Variants in JPH3 observed in about 807,000 individuals in gnomAD.
JPH3 encodes the protein junctophilin-3.
Under a neutral mutation model 59.6 loss-of-function variants are expected in JPH3, and 11 were observed. That is an observed-to-expected ratio of 0.18 (90% confidence interval 0.12 to 0.31). The LOEUF (loss-of-function observed/expected upper bound fraction) is 0.31. JPH3 is among the 10% of genes least tolerant of loss of function. The pLI, the probability that JPH3 is intolerant of heterozygous loss-of-function variation, is 1.00. For missense variants in JPH3, 1,202 were observed against 1,105.7 expected (o/e 1.09, Z -1.24); for synonymous variants, 673 against 483.6 (o/e 1.39, Z -5.14).
intron 4 of JPH3, chr16:87,694,966 C>T: frequency 3.5e-6 from 1 of 286,106 alleles, no homozygotes; most frequent in Non-Finnish European, 6.8e-6. Context: ...GGACAGCTGG[C>T]TCTGCTTCCA....
chr16:87,665,777 C>T (rs1567606430), intron 2 of JPH3, among the ~76,000 whole-genome samples: 2 of 152,238 alleles, frequency 1.3e-5, no homozygotes, highest in African/African-American at 4.8e-5. Context: ...CCTTCCCCAG[C>T]CCATCCCTCT....
At chr16:87,614,018 C>T (rs2030839461) in intron 1 of JPH3, among the ~76,000 whole-genome samples, 1 of 152,160 alleles carries the variant, frequency 6.6e-6, no homozygotes, top group Admixed American at 6.5e-5. Context: ...ACTTGCTTTA[C>T]AGATGAGGAA....
chr16:87,653,050 C>G (rs112363664), intron 2 of JPH3, among the ~76,000 whole-genome samples: 2 of 152,078 alleles, frequency 1.3e-5, no homozygotes, highest in African/African-American at 4.8e-5. Context: ...TGCGTGGTCT[C>G]CAAGCCAGTC....
At chr16:87,639,537 A>G (rs1037865323) in intron 1 of JPH3, among the ~76,000 whole-genome samples, 1 of 151,930 alleles carries the variant, frequency 6.6e-6, no homozygotes, top group Non-Finnish European at 1.5e-5. Flanking sequence ...GAACTTTTCC[A>G]TCTCCAGAAC....
At chr16:87,607,723 C>G (rs923211560) in intron 1 of JPH3, among the ~76,000 whole-genome samples, 41 of 152,350 alleles carry the variant, frequency 2.7e-4, no homozygotes, top group African/African-American at 9.6e-4. Context: ...TTGTGCTTGG[C>G]TATGACTATG....
At chr16:87,621,232 G>T (rs2031174434) in intron 1 of JPH3, among the ~76,000 whole-genome samples, 1 of 152,236 alleles carries the variant, frequency 6.6e-6, no homozygotes, top group Admixed American at 6.5e-5. Flanking sequence ...CTGGCAGCTG[G>T]ACCCGACTTG....
rs1488817787 is a variant in JPH3, at chr16:87,602,637, G to T, written c.-510G>T. On this transcript the variant is annotated 5_prime_UTR_variant, in exon 1 of 5. Transcript: ENST00000284262. ...GGCCCGCGGCCCCCAATATGGTGCA[G>T]CCGCCAGCGCCGCCGCCCGTGCCGC... 1.5e-5 allele frequency among the ~76,000 whole-genome samples: 2 copies of T among 133,710 alleles called. No individual in the cohort carries two copies. Among genetic ancestry groups the T allele is most frequent in the South Asian group, 2.4e-4 (1 of 4,198 alleles). 87.7% of individuals were successfully genotyped at this position (133,710 alleles called of 152,430 possible). A position where few individuals can be genotyped will look rare whatever the true frequency, so the allele number is the denominator to read the frequency against.
chr16:87,664,974 A>T (rs1290915091), intron 2 of JPH3, among the ~76,000 whole-genome samples: 1 of 152,140 alleles, frequency 6.6e-6, no homozygotes, highest in Non-Finnish European at 1.5e-5. Flanking sequence ...ACACAAAACC[A>T]TGTGCATCTT....
At chr16:87,667,043 G>A (rs947287925) in intron 2 of JPH3, among the ~76,000 whole-genome samples, 4 of 152,242 alleles carry the variant, frequency 2.6e-5, no homozygotes, top group African/African-American at 4.8e-5. Flanking sequence ...AGCTCGAGAC[G>A]AGGGTGTGGC....
rs1327461584 is a variant in JPH3 at position 87,648,121 on chromosome 16, TG to T, written c.1160+3087del. 2.0e-5 allele frequency among the ~76,000 whole-genome samples: 3 copies of T among 152,216 alleles called. No homozygotes were observed. In the East Asian group the frequency reaches 5.8e-4, roughly 29 times the overall value. On this transcript the variant is annotated intron_variant, in intron 2 of 4. Coordinates refer to ENST00000284262, the MANE Select transcript of JPH3 (RefSeq NM_020655.4). ...GCAGGTGTGTTTGTGAGCTCACTGG[TG>T]CGACCCTTGGAGGTGGGAGGCTACA...
chr16:87,687,552 G>A (rs2033447667), intron 3 of JPH3, among the ~76,000 whole-genome samples: 1 of 152,324 alleles, frequency 6.6e-6, no homozygotes, highest in African/African-American at 2.4e-5. Flanking sequence ...GGCCACTTCC[G>A]GTGCCATCCG....
rs893488074 is a variant in JPH3 at position 87,690,280 on chromosome 16, G to A, written c.1920G>A (p.Gly640=). The A allele has an allele frequency of 1.6e-5, 25 of 1,600,762 alleles. No individual in the cohort carries two copies. In the Admixed American group the frequency reaches 2.9e-4, roughly 19 times the overall value. ...YSKGGACRGL[G]DDHRPEDRGF... ...AGGGCGGCGCCTGCCGGGGCTTGGG[G>A]GACGACCACCGCCCCGAGGACCGGG... Residue 640 remains glycine (G), a synonymous_variant, in exon 4 of 5, where the codon GGG becomes GGA. Coordinates refer to ENST00000284262, the MANE Select transcript of JPH3 (RefSeq NM_020655.4).
chr16:87,653,096 C>A (rs1389228067), intron 2 of JPH3, among the ~76,000 whole-genome samples: 1 of 152,196 alleles, frequency 6.6e-6, no homozygotes, highest in African/African-American at 2.4e-5. Flanking sequence ...CTCACCCAGG[C>A]CTCTGCTCTC....
rs931354468 is a variant in JPH3, at chr16:87,690,525, C to T, written c.2165C>T (p.Thr722Met). Residue 722 changes from threonine to methionine, a missense_variant and splice_region_variant, in exon 4 of 5, where the codon ACG becomes ATG. Physicochemically the swap from Thr to Met is moderately conservative, Grantham distance 81 (BLOSUM62 -1). Coordinates refer to ENST00000284262, the MANE Select transcript of JPH3 (RefSeq NM_020655.4). The part of the protein sequence containing the change: ...EENGDELKSS[T>M]GSAPILVVMV... ...AATGGGGATGAGCTCAAGTCCAGTACGGTGAGTGGGCGGCCACCAGGCTGG... is the reference window on the plus strand; with the variant it reads ...AATGGGGATGAGCTCAAGTCCAGTATGGTGAGTGGGCGGCCACCAGGCTGG... 3 of 1,467,508 alleles carry T rather than the reference C, an allele frequency of 2.0e-6. No homozygotes were observed. Among genetic ancestry groups the T allele is most frequent in the South Asian group, 1.5e-5 (1 of 67,770 alleles). 90.9% of individuals were successfully genotyped at this position (1,467,508 alleles called of 1,614,324 possible).
At chr16:87,687,409 C>G (rs1297006283) in intron 3 of JPH3, among the ~76,000 whole-genome samples, 2 of 152,206 alleles carry the variant, frequency 1.3e-5, no homozygotes, top group Admixed American at 1.3e-4. Flanking sequence ...GTGGCTGGCG[C>G]CAGCCTCTTG....
chr16:87,643,074 C>G (rs1009759635), intron 1 of JPH3, among the ~76,000 whole-genome samples: 2 of 152,176 alleles, frequency 1.3e-5, no homozygotes, highest in African/African-American at 4.8e-5. Flanking sequence ...GCCCCTGCAC[C>G]CACCGCGCTT....
intron 2 of JPH3, among the ~76,000 whole-genome samples, chr16:87,656,516 A>G (rs1001863110): frequency 3.9e-5 from 6 of 152,166 alleles, no homozygotes; most frequent in African/African-American, 1.4e-4. Context: ...AGGGTGAAGG[A>G]ACTCGGCTCA....
intron 1 of JPH3, among the ~76,000 whole-genome samples, chr16:87,618,167 A>T (rs992434316): frequency 5.9e-5 from 9 of 152,228 alleles, no homozygotes; most frequent in Non-Finnish European, 1.2e-4. Flanking sequence ...CTGTCTCAAA[A>T]AAATAAATAA....
intron 2 of JPH3, among the ~76,000 whole-genome samples, chr16:87,647,583 G>A (rs192849571): frequency 3.3e-5 from 5 of 152,192 alleles, no homozygotes; most frequent in Non-Finnish European, 7.4e-5. Context: ...AGCGGGCGTC[G>A]CGGGGAGGGA....
Sources: allele counts gnomAD v4.1 joint callset (sites outside exome capture counted in the v4.1 genomes callset), GRCh38; gene constraint gnomAD v4.1.1; transcripts MANE v1.5; gene names NCBI Gene and HGNC (gene_info 2026-07-23, HGNC 2026-07-21).